Variants in VPS26B observed in about 807,000 individuals in gnomAD.
The protein encoded by VPS26B is VPS26 retromer complex component B.
VPS26B carries 10 observed loss-of-function variants against 33.3 expected under a neutral mutation model. That is an observed-to-expected ratio of 0.30 (90% CI 0.19 to 0.51). VPS26B has a LOEUF of 0.51. VPS26B is among the 20% of genes least tolerant of loss of function. VPS26B has a pLI of 0.98. For missense variants in VPS26B, 317 were observed against 452.7 expected (o/e 0.70, Z 2.72); for synonymous variants, 190 against 176.9 (o/e 1.07, Z -0.59).
chr11:134,229,271 C>T (rs1195558000), intron 1 of VPS26B, among the ~76,000 whole-genome samples: 1 of 152,300 alleles, frequency 6.6e-6, no homozygotes, highest in Non-Finnish European at 1.5e-5. Flanking sequence ...GATCCTCCTG[C>T]CTTGGCCTCC....
chr11:134,231,056 G>A (rs1467363917), intron 1 of VPS26B, among the ~76,000 whole-genome samples: 1 of 152,202 alleles, frequency 6.6e-6, no homozygotes, highest in Non-Finnish European at 1.5e-5. Flanking sequence ...AGAAGAGACC[G>A]TTGTTGAGCT....
chr11:134,243,521 G>C (rs1938764939), intron 4 of VPS26B: 1 of 558,644 alleles, frequency 1.8e-6, no homozygotes, highest in East Asian at 2.9e-5. Flanking sequence ...GTTGCACTTA[G>C]ACTTGGATTA....
chr11:134,227,585 C>T (rs554339845), intron 1 of VPS26B, among the ~76,000 whole-genome samples: 3 of 152,344 alleles, frequency 2.0e-5, no homozygotes, highest in African/African-American at 7.2e-5. Flanking sequence ...CCTGAGACAT[C>T]CATCATCCCT....
intron 1 of VPS26B, among the ~76,000 whole-genome samples, chr11:134,228,805 GT>G: frequency 6.6e-6 from 1 of 152,316 alleles, no homozygotes; most frequent in African/African-American, 2.4e-5. Context: ...CGGTCGTGTG[GT>G]TTTCTCCTTC....
intron 3 of VPS26B, 43 bp from the exon 4 acceptor site, chr11:134,243,076 C>G: frequency 6.2e-7 from 1 of 1,603,464 alleles, no homozygotes. Context: ...AAAGGTCTGG[C>G]CACAGTACCA....
intron 1 of VPS26B, among the ~76,000 whole-genome samples, chr11:134,229,885 C>G (rs1034725360): frequency 3.9e-5 from 6 of 152,184 alleles, no homozygotes; most frequent in Admixed American, 6.5e-5. Context: ...TCTGGCCCTC[C>G]CTCTCTTTCC....
chr11:134,239,801 A>T (rs894420360), intron 2 of VPS26B, 190 bp from the exon 3 acceptor site: 19 of 618,088 alleles, frequency 3.1e-5, no homozygotes, highest in Non-Finnish European at 4.2e-5. Flanking sequence ...GTGGTTGAAA[A>T]GGTCTCTGTA....
In VPS26B at chr11:134,240,792, TCC is replaced by T. The variant is rs148325144; in HGVS notation, c.545+638_545+639del. On this transcript the variant is annotated intron_variant, in intron 3 of 5. Transcript: ENST00000281187. The surrounding 1 kb of genome is among the most constrained non-coding windows in gnomAD (Gnocchi z 4.4). The stretch of plus-strand genomic sequence containing the variant: ...TTGTGTCCGTGTGTGTGTGTGTGTG[TCC>T]GTGTGTGTGTGTGTGTGTGTGTGTG... 1.1e-4 allele frequency among the ~76,000 whole-genome samples: 12 copies of T among 109,700 alleles called. No individual in the cohort carries two copies. Among genetic ancestry groups the T allele is most frequent in the South Asian group, 6.8e-4 (2 of 2,932 alleles). The allele number at this position is 109,700 out of a possible 152,430, so 72.0% of individuals were successfully genotyped here. A position where few individuals can be genotyped will look rare whatever the true frequency, so the allele number is the denominator to read the frequency against.
At chr11:134,241,582 T>C (rs1042188026) in intron 3 of VPS26B, among the ~76,000 whole-genome samples, 2 of 152,106 alleles carry the variant, frequency 1.3e-5, no homozygotes, top group South Asian at 4.1e-4. Flanking sequence ...CCATCCAGAG[T>C]GCCTACCCAC....
At chr11:134,230,248 A>G (rs1011799607) in intron 1 of VPS26B, among the ~76,000 whole-genome samples, 1 of 152,262 alleles carries the variant, frequency 6.6e-6, no homozygotes, top group African/African-American at 2.4e-5. Flanking sequence ...GCCCATCATT[A>G]GTGCAGTGGC....
intron 3 of VPS26B, among the ~76,000 whole-genome samples, chr11:134,242,165 C>A (rs763665898): frequency 6.6e-6 from 1 of 152,122 alleles, no homozygotes; most frequent in Non-Finnish European, 1.5e-5. Context: ...TGTAAGATGG[C>A]GCAGGTGGTC....
Position 134,240,052 on chromosome 11 carries a change from G to A in VPS26B, c.442G>A (p.Val148Ile). ...TGATGTTGTCAAAGAGATGGACATT[G>A]TAGTTCACACACTCAGCACATACCC... ...LNDVVKEMDI[V>I]VHTLSTYPEL... The change falls in exon 3 of 6, where the codon GTA becomes ATA. Residue 148 changes from valine to isoleucine, a missense_variant. By Grantham distance (29) the Val-to-Ile change is conservative. Coordinates refer to ENST00000281187, the MANE Select transcript of VPS26B (RefSeq NM_052875.5). The surrounding 1 kb of genome is among the most constrained non-coding windows in gnomAD (Gnocchi z 4.4). The A allele has an allele frequency of 6.2e-7, 1 of 1,614,208 alleles. No individual in the cohort carries two copies. The highest frequency in any genetic ancestry group is 8.5e-7 in the Non-Finnish European group (1 of 1,180,040).
At chr11:134,233,937 C>G (rs1167080651) in intron 1 of VPS26B, among the ~76,000 whole-genome samples, 1 of 152,114 alleles carries the variant, frequency 6.6e-6, no homozygotes, top group Non-Finnish European at 1.5e-5. Flanking sequence ...TCAAAAAATA[C>G]CAGAACTATT....
In VPS26B at chr11:134,244,804, A is replaced by T; in HGVS notation, c.722-134A>T. The T allele has an allele frequency of 7.9e-7, 1 of 1,263,914 alleles. No homozygotes were observed. Among genetic ancestry groups the T allele is most frequent in the Non-Finnish European group, 1.1e-6 (1 of 942,522 alleles). The allele number at this position is 1,263,914 out of a possible 1,614,324, so 78.3% of individuals were successfully genotyped here. On this transcript the variant is annotated intron_variant, in intron 4 of 5. Coordinates refer to ENST00000281187, the MANE Select transcript of VPS26B (RefSeq NM_052875.5). This position sits in a 1 kb window ranked among gnomAD's most constrained non-coding sequence, Gnocchi z 4.0. ...CAGCCACCTGCTGGGCAGCAGAGCG[A>T]CTGCACCTTCCCAGAAGGCTGAAGT...
rs1481543849 is a variant in VPS26B, at chr11:134,247,639, T to C, written c.*2049T>C. ...AGTGCATAGGTACTAAATCAAGCAG[T>C]GCAACTTGTAATTAAGCAGCTGCAG... is the stretch of plus-strand genomic sequence containing the variant. On this transcript the variant is annotated 3_prime_UTR_variant, in exon 6 of 6. Transcript: ENST00000281187. 6.5e-6 allele frequency: 1 copy of C among 153,222 alleles called. No homozygotes were observed. The highest frequency in any genetic ancestry group is 6.5e-5 in the Admixed American group (1 of 15,362). The allele number at this position is 153,222 out of a possible 1,614,324, so 9.5% of individuals were successfully genotyped here.
rs1248286325 is a variant in VPS26B at position 134,240,176 on chromosome 11, G to A, written c.545+21G>A. 5 of 1,613,428 alleles carry A rather than the reference G, an allele frequency of 3.1e-6. No individual in the cohort carries two copies. In the East Asian group the frequency reaches 1.1e-4, roughly 36 times the overall value. ...TCCAAGTAAGTGTCTCAGTGCCAAG[G>A]TTGTGAAATGATTATTTAAGGAGGT... On this transcript the variant is annotated intron_variant, in intron 3 of 5. Transcript: ENST00000281187. This position sits in a 1 kb window ranked among gnomAD's most constrained non-coding sequence, Gnocchi z 4.4.
intron 1 of VPS26B, among the ~76,000 whole-genome samples, chr11:134,230,223 C>T (rs1344491155): frequency 3.3e-5 from 5 of 152,218 alleles, no homozygotes; most frequent in Admixed American, 1.3e-4. Flanking sequence ...ACCTGAGATC[C>T]AGGGACTGCC....
intron 1 of VPS26B, among the ~76,000 whole-genome samples, chr11:134,227,267 C>G (rs12290171): frequency 6.6e-6 from 1 of 152,312 alleles, no homozygotes; most frequent in South Asian, 2.1e-4. Context: ...AGTAAATAGT[C>G]GAGAAATCCT....
intron 1 of VPS26B, 137 bp from the exon 2 acceptor site, chr11:134,234,760 A>T: frequency 9.9e-7 from 1 of 1,008,750 alleles, no homozygotes; most frequent in Non-Finnish European, 1.4e-6. Context: ...CAAGAAAACA[A>T]GGCTAGAAGG....
Sources: allele counts gnomAD v4.1 joint callset (sites outside exome capture counted in the v4.1 genomes callset), GRCh38; gene constraint gnomAD v4.1.1; non-coding constraint Gnocchi (gnomAD v3.1); transcripts MANE v1.5; gene names NCBI Gene and HGNC (gene_info 2026-07-23, HGNC 2026-07-21).